The following PLCH1 variants were observed in gnomAD, a reference collection of about 807,000 sequenced individuals.
PLCH1 encodes phospholipase C eta 1, also known as 1-phosphatidylinositol 4,5-bisphosphate phosphodiesterase eta-1.
PLCH1 carries 60 observed loss-of-function variants against 126.7 expected under a neutral mutation model. That is an observed-to-expected ratio of 0.47 (90% CI 0.38 to 0.59). The LOEUF (loss-of-function observed/expected upper bound fraction) is 0.59. PLCH1 is among the 20% of genes least tolerant of loss of function. The pLI is 0.00. For synonymous variants in PLCH1, 719 were observed against 734.9 expected, an observed-to-expected ratio of 0.98 and a Z score of 0.35; for missense variants, 1,723 against 2,040.0, an observed-to-expected ratio of 0.84 and a Z score of 2.99.
chr3:155,743,667 C>T (rs1749783413), intron 1 of PLCH1: 2 of 383,152 alleles, frequency 5.2e-6, no homozygotes, highest in South Asian at 2.0e-5. Context: ...AAAACTACCG[C>T]CTCTTCTGGG....
chr3:155,494,552 A>C (rs1292091629), intron 15 of PLCH1, 35 bp from the exon 16 acceptor site: 1 of 1,535,100 alleles, frequency 6.5e-7, no homozygotes, highest in East Asian at 2.3e-5. Flanking sequence ...AGGAAGTGAG[A>C]ACTACAGCAA....
chr3:155,489,566 A>G (rs1715852888), intron 19 of PLCH1, among the ~76,000 whole-genome samples: 1 of 152,218 alleles, frequency 6.6e-6, no homozygotes. Context: ...AAATTAGACC[A>G]TGCACTATTG....
At chr3:155,537,142 C>A in intron 10 of PLCH1, among the ~76,000 whole-genome samples, 1 of 138,860 alleles carries the variant, frequency 7.2e-6, no homozygotes, top group Non-Finnish European at 1.5e-5. Context: ...AGATCATAGG[C>A]AACAAAAATG....
At chr3:155,600,062 A>G (rs1302326503) in intron 2 of PLCH1, among the ~76,000 whole-genome samples, 9 of 152,222 alleles carry the variant, frequency 5.9e-5, no homozygotes, top group Non-Finnish European at 1.3e-4. Context: ...CAGAAAAGCC[A>G]TTTGGATAGA....
chr3:155,676,304 G>T, intron 2 of PLCH1: 1 of 1,141,832 alleles, frequency 8.8e-7, no homozygotes, highest in South Asian at 4.1e-5. Context: ...AGATAAGCAC[G>T]CTGGAAGCAT....
intron 1 of PLCH1, among the ~76,000 whole-genome samples, chr3:155,734,489 T>A (rs917362258): frequency 3.3e-5 from 5 of 151,902 alleles, no homozygotes; most frequent in African/African-American, 1.2e-4. Context: ...TTTTAAGAAA[T>A]TAAAAATAGA....
intron 2 of PLCH1, among the ~76,000 whole-genome samples, chr3:155,606,380 C>T (rs1182640970): frequency 1.3e-5 from 2 of 152,188 alleles, no homozygotes; most frequent in Non-Finnish European, 2.9e-5. Context: ...TGCTCAAAAT[C>T]TAAGACTTCG....
chr3:155,511,959 C>G (rs924860191), intron 12 of PLCH1, among the ~76,000 whole-genome samples: 9 of 151,940 alleles, frequency 5.9e-5, no homozygotes, highest in African/African-American at 1.9e-4. Context: ...GCCTCATTGC[C>G]GCCTTGCAGT....
At chr3:155,611,057 A>T (rs1735023302) in intron 2 of PLCH1, among the ~76,000 whole-genome samples, 2 of 152,234 alleles carry the variant, frequency 1.3e-5, no homozygotes, top group South Asian at 4.1e-4. Flanking sequence ...AGCATGCAGA[A>T]GTAGCTATTC....
At chr3:155,640,241 G>A (rs1363258644) in intron 2 of PLCH1, among the ~76,000 whole-genome samples, 1 of 152,214 alleles carries the variant, frequency 6.6e-6, no homozygotes, top group Admixed American at 6.5e-5. Flanking sequence ...GAGCCACGGA[G>A]GTCAGAGCTG....
At chr3:155,656,046 C>A (rs1017506852) in intron 2 of PLCH1, among the ~76,000 whole-genome samples, 2 of 151,878 alleles carry the variant, frequency 1.3e-5, no homozygotes, top group African/African-American at 4.8e-5. Flanking sequence ...ACTGACTCAA[C>A]GAAATAAATT....
At chr3:155,553,382 G>A (rs970904184) in intron 9 of PLCH1, among the ~76,000 whole-genome samples, 1 of 152,146 alleles carries the variant, frequency 6.6e-6, no homozygotes, top group African/African-American at 2.4e-5. Flanking sequence ...CTCCCAAAGT[G>A]CTACAGGAGC....
intron 21 of PLCH1, among the ~76,000 whole-genome samples, chr3:155,469,879 G>A (rs1713114074): frequency 6.6e-6 from 1 of 151,958 alleles, no homozygotes; most frequent in African/African-American, 2.4e-5. Flanking sequence ...TCTGTTAGAA[G>A]GAAAACTAAC....
chr3:155,559,613 G>A (rs1727306429), intron 8 of PLCH1, among the ~76,000 whole-genome samples: 1 of 152,112 alleles, frequency 6.6e-6, no homozygotes, highest in South Asian at 2.1e-4. Context: ...CCAAATACTA[G>A]GGAAAGAATT....
At chr3:155,700,591 T>C (rs948395295) in intron 2 of PLCH1, among the ~76,000 whole-genome samples, 3 of 152,204 alleles carry the variant, frequency 2.0e-5, no homozygotes, top group Non-Finnish European at 2.9e-5. Context: ...AATTAATACT[T>C]TTTCCAATAG....
At chr3:155,458,817 C>T (rs533411267) in intron 21 of PLCH1, among the ~76,000 whole-genome samples, 1 of 152,286 alleles carries the variant, frequency 6.6e-6, no homozygotes, top group Non-Finnish European at 1.5e-5. Flanking sequence ...ACGGGACAAC[C>T]AGCTATTTTG....
chr3:155,595,205 C>T (rs953281102), intron 3 of PLCH1, among the ~76,000 whole-genome samples: 2 of 152,158 alleles, frequency 1.3e-5, no homozygotes, highest in African/African-American at 2.4e-5. Context: ...GCTGGAATCA[C>T]AGAGATTAGC....
At chr3:155,570,833 A>G (rs1432833616) in intron 6 of PLCH1, among the ~76,000 whole-genome samples, 1 of 152,186 alleles carries the variant, frequency 6.6e-6, no homozygotes, top group East Asian at 1.9e-4. Context: ...TTTAAAACTG[A>G]TAGGTGTTTT....
chr3:155,538,785 T>C (rs1177358370), intron 10 of PLCH1, among the ~76,000 whole-genome samples: 1 of 151,946 alleles, frequency 6.6e-6, no homozygotes, highest in Non-Finnish European at 1.5e-5. Flanking sequence ...ACAAAAAATG[T>C]CCAGGACCAG....
Sources: allele counts gnomAD v4.1 joint callset (sites outside exome capture counted in the v4.1 genomes callset), GRCh38; gene constraint gnomAD v4.1.1; transcripts MANE v1.5; gene names NCBI Gene and HGNC (gene_info 2026-07-23, HGNC 2026-07-21).